The following DPP4 variants were observed in gnomAD, a reference collection of about 807,000 sequenced individuals.
The protein encoded by DPP4 is dipeptidyl peptidase 4.
Under a neutral mutation model 122.4 loss-of-function variants are expected in DPP4, and 93 were observed. The ratio of observed to expected loss-of-function variants is 0.76; its 90% CI spans 0.64 to 0.90. The LOEUF is 0.90. DPP4 is among the 40% of genes least tolerant of loss of function. DPP4 has a pLI of 0.00. For synonymous variants in DPP4, 321 were observed against 302.9 expected, an observed-to-expected ratio of 1.06 and a Z score of -0.62; for missense variants, 914 against 907.3, an observed-to-expected ratio of 1.01 and a Z score of -0.09.
intron 2 of DPP4, among the ~76,000 whole-genome samples, chr2:162,070,348 G>A (rs1023047140): frequency 4.6e-5 from 7 of 151,838 alleles, no homozygotes; most frequent in Non-Finnish European, 8.8e-5. Flanking sequence ...ACTAGCCCCC[G>A]TCCTGTTCTG....
chr2:162,056,996 T>C (rs72868679), intron 2 of DPP4, among the ~76,000 whole-genome samples: 159 of 152,252 alleles, frequency 1.0e-3, no homozygotes, highest in Non-Finnish European at 2.1e-3. Context: ...CCGTCACCCA[T>C]AAAATGACTC....
intron 10 of DPP4, among the ~76,000 whole-genome samples, chr2:162,026,454 G>A (rs190197865): frequency 6.6e-6 from 1 of 152,250 alleles, no homozygotes; most frequent in East Asian, 1.9e-4. Flanking sequence ...TGGGTGGCTG[G>A]TATTCTCAGG....
Position 162,014,923 on chromosome 2 carries a change from A to T in DPP4, c.1568-458T>A, listed in dbSNP as rs75966746. Among the ~76,000 whole-genome samples the T allele has an allele frequency of 6.4e-4, 98 of 152,290 alleles. No individual in the cohort carries two copies. The East Asian group carries it at 0.019, about 29-fold the overall frequency. On this transcript the variant is annotated intron_variant, in intron 18 of 25. Coordinates refer to ENST00000360534, the MANE Select transcript of DPP4 (RefSeq NM_001935.4). Reference sequence around the variant, plus strand: ...AATTCTGATTTAATAACATTTTTGTAATTCTTATTGCCATCCCAGACCGCA... The same window carrying T: ...AATTCTGATTTAATAACATTTTTGTTATTCTTATTGCCATCCCAGACCGCA...
At position 162,037,443 on chromosome 2, in the gene DPP4, TTTG is replaced by T. The variant is rs199770178; in HGVS notation, c.613+856_613+858del. Among the ~76,000 whole-genome samples the T allele has an allele frequency of 4.8e-3, 724 of 152,308 alleles. 7 individuals are homozygous for T. Among genetic ancestry groups the T allele is most frequent in the African/African-American group, 0.016 (653 of 41,564 alleles). On this transcript the variant is annotated intron_variant, in intron 8 of 25. Coordinates refer to ENST00000360534, the MANE Select transcript of DPP4 (RefSeq NM_001935.4). Reference sequence around the variant, plus strand: ...AAAAGTTATCTTTCTTTTAATGTGATTTGTTGTTGTTGTTATAATGAGTCAACT... The same window carrying T: ...AAAAGTTATCTTTCTTTTAATGTGATTTGTTGTTGTTATAATGAGTCAACT...
chr2:162,063,032 T>C (rs943866992), intron 2 of DPP4, among the ~76,000 whole-genome samples: 5 of 150,926 alleles, frequency 3.3e-5, no homozygotes, highest in East Asian at 1.9e-4. Context: ...GGAAGGGCAA[T>C]TGTGTCTTTG....
At chr2:162,059,520 T>A (rs1684691082) in intron 2 of DPP4, among the ~76,000 whole-genome samples, 1 of 152,228 alleles carries the variant, frequency 6.6e-6, no homozygotes, top group South Asian at 2.1e-4. Context: ...TAAAAGCAGT[T>A]GCAGTGAGAC....
chr2:162,033,637 G>A lies in DPP4; in HGVS notation c.791C>T (p.Pro264Leu), dbSNP rs749968268. The change falls in exon 10 of 26, where the codon CCA (proline) becomes CTA (leucine). Residue 264 changes from proline to leucine, a missense_variant. By Grantham distance (98) the Pro-to-Leu change is moderately conservative. Transcript: ENST00000360534. ...ATTTACAACAAAGAACTTTACAGTT[G>A]GATTCACAGCTCCTGCCTAGGAAAA... ...VPYPKAGAVNPTVKFFVVNTD... is the reference protein window; with the variant it reads ...VPYPKAGAVNLTVKFFVVNTD... The A allele has an allele frequency of 1.2e-6, 2 of 1,609,688 alleles. No individual in the cohort carries two copies. Among genetic ancestry groups the A allele is most frequent in the African/African-American group, 1.3e-5 (1 of 74,516 alleles).
At chr2:162,026,088 A>C (rs1187653184) in intron 10 of DPP4, among the ~76,000 whole-genome samples, 2 of 152,184 alleles carry the variant, frequency 1.3e-5, no homozygotes, top group African/African-American at 2.4e-5. Context: ...GTCATACTGA[A>C]GGACCATAGC....
chr2:162,027,406 T>G (rs1469143015), intron 10 of DPP4, among the ~76,000 whole-genome samples: 1 of 151,882 alleles, frequency 6.6e-6, no homozygotes, highest in African/African-American at 2.4e-5. Flanking sequence ...AAATGGGCAG[T>G]GGACTGCATT....
intron 15 of DPP4, 75 bp downstream of exon 15, chr2:162,019,147 CA>C (rs1680540594): frequency 1.5e-6 from 2 of 1,348,830 alleles, no homozygotes; most frequent in East Asian, 4.6e-5. Context: ...TAGGACAAGG[CA>C]AAAAATAAAA....
chr2:162,022,202 A>C (rs1683157268), intron 12 of DPP4, among the ~76,000 whole-genome samples: 1 of 152,216 alleles, frequency 6.6e-6, no homozygotes, highest in Admixed American at 6.5e-5. Flanking sequence ...GGGACTGAGA[A>C]GCATGACAAG....
At chr2:162,033,887 T>TATATATATATATAC (rs1683664539) in intron 9 of DPP4, among the ~76,000 whole-genome samples, 1 of 141,800 alleles carries the variant, frequency 7.1e-6, no homozygotes, top group Non-Finnish European at 1.5e-5. Flanking sequence ...TATATATATA[T>TATATATATATATAC]ATATATACAC....
intron 7 of DPP4, 79 bp from the exon 8 acceptor site, chr2:162,038,501 A>G (rs1304496618): frequency 7.1e-7 from 1 of 1,412,492 alleles, no homozygotes; most frequent in East Asian, 2.4e-5. Flanking sequence ...ACACTTATCT[A>G]TTGCAAATGT....
At position 162,018,853 on chromosome 2, in the gene DPP4, G is replaced by A. The variant is rs1384677963; in HGVS notation, c.1299-3C>T. The A allele has an allele frequency of 3.7e-6, 6 of 1,613,298 alleles. No homozygotes were observed. The Admixed American group carries it at 1.0e-4, about 27-fold the overall frequency. On this transcript the variant is annotated splice_region_variant and splice_polypyrimidine_tract_variant and intron_variant, in intron 15 of 25. Coordinates refer to ENST00000360534, the MANE Select transcript of DPP4 (RefSeq NM_001935.4). ...TTGTATAGTCACTAAGTTGGATTCT[G>A]TAAAACCAACGGTGGAAATTAAGTG...
chr2:162,020,432 T>C (rs893253394), intron 13 of DPP4, 136 bp from the exon 14 acceptor site: 30 of 1,003,578 alleles, frequency 3.0e-5, no homozygotes, highest in Non-Finnish European at 4.2e-5. Context: ...CCCCACCTCG[T>C]TCCACATGAC....
At chr2:161,998,609 G>A (rs993243775) in intron 23 of DPP4, among the ~76,000 whole-genome samples, 3 of 152,186 alleles carry the variant, frequency 2.0e-5, no homozygotes, top group African/African-American at 7.2e-5. Context: ...GTAATAGTTA[G>A]GAGACATATA....
intron 23 of DPP4, 136 bp downstream of exon 23, chr2:162,005,609 A>G (rs1471394059): frequency 2.7e-6 from 2 of 736,466 alleles, no homozygotes; most frequent in Admixed American, 5.6e-5. Flanking sequence ...GTATCTCTAA[A>G]CCACCTGTGT....
intron 10 of DPP4, among the ~76,000 whole-genome samples, chr2:162,026,255 T>G (rs1305465398): frequency 6.6e-6 from 1 of 152,140 alleles, no homozygotes; most frequent in Non-Finnish European, 1.5e-5. Context: ...ATTTTACAGC[T>G]GGGAACACTT....
At chr2:162,059,130 A>C (rs1333645651) in intron 2 of DPP4, among the ~76,000 whole-genome samples, 1 of 152,250 alleles carries the variant, frequency 6.6e-6, no homozygotes, top group African/African-American at 2.4e-5. Context: ...GACCGAACTA[A>C]GCCGAGTTAC....
Sources: gnomAD v4.1 joint callset for allele counts (sites outside exome capture counted in the v4.1 genomes callset) on GRCh38, gnomAD v4.1.1 for gene constraint, MANE v1.5 for transcripts, NCBI Gene and HGNC (gene_info 2026-07-23, HGNC 2026-07-21) for gene names.